The following NPAS2 variants were observed in gnomAD, a reference collection of about 807,000 sequenced individuals.
NPAS2 encodes the protein neuronal PAS domain protein 2, also known as neuronal PAS domain-containing protein 2.
NPAS2 carries 23 observed loss-of-function variants against 107.5 expected under a neutral mutation model. That is an observed-to-expected ratio of 0.21 (90% CI 0.15 to 0.30). The LOEUF (loss-of-function observed/expected upper bound fraction) is 0.30. Ranked by LOEUF, NPAS2 falls within the 10% of genes least tolerant of loss-of-function variation. The pLI is 1.00. For missense variants in NPAS2, 756 were observed against 1,043.3 expected (o/e 0.72, Z 3.79); for synonymous variants, 403 against 417.5 (o/e 0.97, Z 0.42).
intron 5 of NPAS2, among the ~76,000 whole-genome samples, chr2:100,938,473 G>C (rs930050741): frequency 7.6e-6 from 1 of 132,336 alleles, no homozygotes; most frequent in African/African-American, 2.9e-5. Flanking sequence ...AGGGGCTGTG[G>C]TATGGTCACA....
At chr2:100,825,818 T>C (rs1676338539) in intron 1 of NPAS2, among the ~76,000 whole-genome samples, 1 of 152,200 alleles carries the variant, frequency 6.6e-6, no homozygotes, top group African/African-American at 2.4e-5. Context: ...GTGGCCATAA[T>C]GCCTGCAAAC....
intron 2 of NPAS2, among the ~76,000 whole-genome samples, chr2:100,920,907 T>C (rs1008938908): frequency 9.9e-5 from 15 of 152,216 alleles, no homozygotes; most frequent in East Asian, 1.9e-4. Context: ...AGGCCACTCC[T>C]CCTAGGAGCT....
Position 100,975,422 on chromosome 2 carries a change from A to G in NPAS2, c.1283-36A>G, listed in dbSNP as rs367780986. 118 of 1,576,732 alleles carry G rather than the reference A, an allele frequency of 7.5e-5. 1 individual carries two copies. The African/African-American group carries it at 1.3e-3, about 18-fold the overall frequency. On this transcript the variant is annotated intron_variant, in intron 13 of 20. Coordinates refer to ENST00000335681, the MANE Select transcript of NPAS2 (RefSeq NM_002518.4). ...CTTCGGATGAGTACATGCTAAGTAC[A>G]TGGAAGTTAGAAGGTCATTCGTTGC...
At chr2:100,875,551 G>C (rs1679908521) in intron 1 of NPAS2, among the ~76,000 whole-genome samples, 1 of 151,864 alleles carries the variant, frequency 6.6e-6, no homozygotes, top group Non-Finnish European at 1.5e-5. Context: ...CCCAGTGTTG[G>C]CATGAGACAG....
At chr2:100,956,958 G>A (rs1675606926) in intron 7 of NPAS2, among the ~76,000 whole-genome samples, 1 of 152,204 alleles carries the variant, frequency 6.6e-6, no homozygotes, top group African/African-American at 2.4e-5. Flanking sequence ...CCCCAGTGGA[G>A]GATGCCCCCC....
intron 3 of NPAS2, among the ~76,000 whole-genome samples, chr2:100,926,346 G>A (rs938067584): frequency 3.9e-5 from 6 of 152,180 alleles, no homozygotes; most frequent in Non-Finnish European, 8.8e-5. Context: ...CTGAGGAACT[G>A]CCAAACTGTT....
intron 19 of NPAS2, among the ~76,000 whole-genome samples, chr2:100,992,203 C>T (rs1678174472): frequency 6.6e-6 from 1 of 152,228 alleles, no homozygotes; most frequent in African/African-American, 2.4e-5. Flanking sequence ...CACCTGAGGT[C>T]AGAAGTTCAA....
intron 3 of NPAS2, among the ~76,000 whole-genome samples, chr2:100,931,882 A>G (rs1683984346): frequency 6.6e-6 from 1 of 152,198 alleles, no homozygotes; most frequent in Non-Finnish European, 1.5e-5. Context: ...GCGCCACGTA[A>G]GAGAGATTAT....
chr2:100,940,586 G>A (rs894177257), intron 5 of NPAS2, among the ~76,000 whole-genome samples: 6 of 152,182 alleles, frequency 3.9e-5, no homozygotes, highest in Non-Finnish European at 8.8e-5. Flanking sequence ...GCATAGAACC[G>A]TGCCTGGCCC....
intron 3 of NPAS2, among the ~76,000 whole-genome samples, chr2:100,927,700 C>T (rs928417038): frequency 3.3e-5 from 5 of 152,208 alleles, no homozygotes; most frequent in Non-Finnish European, 5.9e-5. Context: ...TTCCATCACA[C>T]GATCACCTGC....
At chr2:100,879,662 G>C (rs556025866) in intron 1 of NPAS2, among the ~76,000 whole-genome samples, 1 of 152,270 alleles carries the variant, frequency 6.6e-6, no homozygotes, top group East Asian at 1.9e-4. Context: ...TGTGGGAAAT[G>C]GCAGGACCTC....
intron 1 of NPAS2, among the ~76,000 whole-genome samples, chr2:100,837,521 C>T (rs1677142427): frequency 1.3e-5 from 2 of 152,072 alleles, no homozygotes; most frequent in Admixed American, 6.6e-5. Flanking sequence ...CCATGTTGGC[C>T]AGGCTGATCT....
At chr2:100,922,887 C>T (rs1003372501) in intron 2 of NPAS2, among the ~76,000 whole-genome samples, 2 of 152,166 alleles carry the variant, frequency 1.3e-5, no homozygotes, top group Admixed American at 6.5e-5. Context: ...GTCGTCATTA[C>T]ACCCATTGAA....
chr2:100,845,154 G>A (rs147785382), intron 1 of NPAS2, among the ~76,000 whole-genome samples: 2 of 152,302 alleles, frequency 1.3e-5, no homozygotes, highest in African/African-American at 2.4e-5. Flanking sequence ...AGCATGTTTG[G>A]CTCTCTCTGG....
rs142304461 is a variant in NPAS2, at chr2:100,971,274, G to A, written c.1140+200G>A. Reference sequence around the variant, plus strand: ...TGATTGTGCCACCATACTCCAGCCCGGATGACAGAGTAAGACTCTATCTCA... The same window carrying A: ...TGATTGTGCCACCATACTCCAGCCCAGATGACAGAGTAAGACTCTATCTCA... On this transcript the variant is annotated intron_variant, in intron 12 of 20. Coordinates refer to ENST00000335681, the MANE Select transcript of NPAS2 (RefSeq NM_002518.4). 4.7e-3 allele frequency among the ~76,000 whole-genome samples: 652 copies of A among 137,516 alleles called. 8 individuals carry two copies. Among genetic ancestry groups the A allele is most frequent in the African/African-American group, 0.017 (611 of 35,744 alleles). 90.2% of individuals were successfully genotyped at this position (137,516 alleles called of 152,430 possible). A position where few individuals can be genotyped will look rare whatever the true frequency, so the allele number is the denominator to read the frequency against.
In NPAS2 at chr2:100,825,933, C is replaced by T. The variant is rs151211724; in HGVS notation, c.-23+5519C>T. Among the ~76,000 whole-genome samples, 423 of 152,264 alleles carry T rather than the reference C, an allele frequency of 2.8e-3. 6 individuals carry two copies. Among genetic ancestry groups the T allele is most frequent in the African/African-American group, 9.6e-3 (398 of 41,552 alleles). On this transcript the variant is annotated intron_variant, in intron 1 of 20. Transcript: ENST00000335681. ...GGGGCGGGGAGGTCTCCGTGGTGCC[C>T]TTGACTTTCTGAATTACACAAAGAA...
chr2:100,984,773 A>AGT (rs2105294222), intron 16 of NPAS2: 1 of 152,268 alleles, frequency 6.6e-6, no homozygotes, highest in South Asian at 2.1e-4. Context: ...TCCCCCACCC[A>AGT]GTGGCCTTTA....
chr2:100,844,958 G>A (rs1677679758), intron 1 of NPAS2, among the ~76,000 whole-genome samples: 1 of 152,198 alleles, frequency 6.6e-6, no homozygotes, highest in Non-Finnish European at 1.5e-5. Context: ...TCCAGAGCTT[G>A]CACTAGTGAG....
chr2:100,876,918 G>A (rs1162764098), intron 1 of NPAS2, among the ~76,000 whole-genome samples: 4 of 152,290 alleles, frequency 2.6e-5, no homozygotes, highest in African/African-American at 7.2e-5. Context: ...GGAGATGCAG[G>A]TGACTCCCAT....
Sources: gnomAD v4.1 joint callset for allele counts (sites outside exome capture counted in the v4.1 genomes callset) on GRCh38, gnomAD v4.1.1 for gene constraint, MANE v1.5 for transcripts, NCBI Gene and HGNC (gene_info 2026-07-23, HGNC 2026-07-21) for gene names.